MVB12B: variants seen among roughly 807,000 people sequenced by gnomAD.
The protein encoded by MVB12B is multivesicular body subunit 12B.
MVB12B carries 16 observed loss-of-function variants against 41.6 expected under a neutral mutation model. The observed-to-expected ratio is 0.38, with a 90% CI of 0.26 to 0.58. MVB12B has a LOEUF of 0.58. MVB12B is among the 20% of genes least tolerant of loss of function. The probability of loss-of-function intolerance (pLI) is 0.62; values close to 1 mark genes in which losing one functional copy is unlikely to be tolerated. For missense variants in MVB12B, 274 were observed against 380.2 expected (o/e 0.72, Z 2.32); for synonymous variants, 133 against 139.7 (o/e 0.95, Z 0.34).
chr9:126,460,901 TA>T (rs1833074707), intron 7 of MVB12B, among the ~76,000 whole-genome samples: 1 of 152,164 alleles, frequency 6.6e-6, no homozygotes, highest in Non-Finnish European at 1.5e-5. Flanking sequence ...CCTTGAGGAT[TA>T]AATCAGTCAA....
chr9:126,328,886 G>A (rs770642363), intron 1 of MVB12B, among the ~76,000 whole-genome samples: 8 of 152,028 alleles, frequency 5.3e-5, no homozygotes, highest in Non-Finnish European at 1.0e-4. Context: ...GGACTCAAGC[G>A]ATTCTCCCAC....
At chr9:126,384,424 G>A (rs1830714525) in intron 3 of MVB12B, among the ~76,000 whole-genome samples, 1 of 152,054 alleles carries the variant, frequency 6.6e-6, no homozygotes, top group South Asian at 2.1e-4. Flanking sequence ...TTTCATTTGT[G>A]TACTTTTGGT....
At position 126,501,012 on chromosome 9, in the gene MVB12B, G is replaced by A. The variant is rs79313780; in HGVS notation, c.874-2165G>A. On this transcript the variant is annotated intron_variant, in intron 9 of 9. Coordinates refer to ENST00000361171, the MANE Select transcript of MVB12B (RefSeq NM_033446.3). Reference sequence around the variant, plus strand: ...CAGTGAGGGCTGATGAAGCCAGCCAGGGAATGAATTTGCCGCTGTTCCCTG... The same window carrying A: ...CAGTGAGGGCTGATGAAGCCAGCCAAGGAATGAATTTGCCGCTGTTCCCTG... 3.9e-5 allele frequency among the ~76,000 whole-genome samples: 6 copies of A among 152,342 alleles called. No individual in the cohort carries two copies. The East Asian group carries it at 1.2e-3, about 30-fold the overall frequency.
At position 126,373,602 on chromosome 9, in the gene MVB12B, A is replaced by G. The variant is rs567848097; in HGVS notation, c.205-7462A>G. Among the ~76,000 whole-genome samples the G allele has an allele frequency of 7.2e-5, 11 of 152,290 alleles. No individual in the cohort carries two copies. The South Asian group carries it at 2.3e-3, about 32-fold the overall frequency. On this transcript the variant is annotated intron_variant, in intron 2 of 9. Coordinates refer to ENST00000361171, the MANE Select transcript of MVB12B (RefSeq NM_033446.3). ...ACCGGTGTGTAAACAGATTGATGAA[A>G]TTGGTGGTTAGCTTGTCTTTTGAGA...
At chr9:126,503,045 C>A in intron 9 of MVB12B, 132 bp from the exon 10 acceptor site, 3 of 807,244 alleles carry the variant, frequency 3.7e-6, no homozygotes, top group South Asian at 1.5e-5. Flanking sequence ...ACCGGCCTGG[C>A]CAGCTGCGCC....
intron 2 of MVB12B, among the ~76,000 whole-genome samples, chr9:126,368,876 G>A (rs986631476): frequency 6.6e-6 from 1 of 152,022 alleles, no homozygotes; most frequent in East Asian, 1.9e-4. Context: ...GAAATACATC[G>A]TTGTAATTTG....
At chr9:126,399,887 C>A (rs538950003) in intron 6 of MVB12B, among the ~76,000 whole-genome samples, 1 of 152,246 alleles carries the variant, frequency 6.6e-6, no homozygotes, top group South Asian at 2.1e-4. Context: ...TCCTCTACAG[C>A]CAGAACAACC....
At position 126,451,964 on chromosome 9, in the gene MVB12B, G is replaced by T. The variant is rs1045835786; in HGVS notation, c.758-29405G>T. On this transcript the variant is annotated intron_variant, in intron 7 of 9. Coordinates refer to ENST00000361171, the MANE Select transcript of MVB12B (RefSeq NM_033446.3). The stretch of plus-strand genomic sequence containing the variant: ...CACCTGGAATGCCGCGGGCTTGGTG[G>T]TTATGAAAGTCCCACTGTTTCATTC... Among the ~76,000 whole-genome samples, 5 of 152,288 alleles carry T rather than the reference G, an allele frequency of 3.3e-5. No individual in the cohort carries two copies. The East Asian group carries it at 5.8e-4, about 18-fold the overall frequency.
intron 9 of MVB12B, among the ~76,000 whole-genome samples, chr9:126,499,100 G>A (rs1004328284): frequency 6.6e-6 from 1 of 152,214 alleles, no homozygotes; most frequent in Non-Finnish European, 1.5e-5. Flanking sequence ...TTGCCTCGAA[G>A]CTGGGTGCTT....
intron 6 of MVB12B, among the ~76,000 whole-genome samples, chr9:126,406,333 T>A (rs1384660813): frequency 6.6e-6 from 1 of 152,222 alleles, no homozygotes. Context: ...CATGGCTGTA[T>A]TTTGTTAAAC....
At chr9:126,387,891 G>A (rs1341384107) in intron 4 of MVB12B, among the ~76,000 whole-genome samples, 1 of 152,150 alleles carries the variant, frequency 6.6e-6, no homozygotes, top group Non-Finnish European at 1.5e-5. Context: ...GGAAGTGGAG[G>A]AATAACTAGA....
chr9:126,485,623 CAG>C (rs1833603484), intron 9 of MVB12B, among the ~76,000 whole-genome samples: 1 of 126,542 alleles, frequency 7.9e-6, no homozygotes, highest in Non-Finnish European at 1.7e-5. Flanking sequence ...TTCATGAGGT[CAG>C]GGTACCGTCC....
rs1829171885 is a variant in MVB12B, at chr9:126,333,072, A to T, written c.81+6062A>T. Among the ~76,000 whole-genome samples the T allele has an allele frequency of 6.6e-6, 1 of 152,028 alleles. No homozygotes were observed. Among genetic ancestry groups the T allele is most frequent in the African/African-American group, 2.4e-5 (1 of 41,386 alleles). ...GGAGAAAGTTTGAGGGGAATGGAAG[A>T]TGTGACCCTGGTGTTTTGTTTTGTT... On this transcript the variant is annotated intron_variant, in intron 1 of 9. Transcript: ENST00000361171. The surrounding 1 kb of genome is among the most constrained non-coding windows in gnomAD (Gnocchi z 4.7).
intron 7 of MVB12B, among the ~76,000 whole-genome samples, chr9:126,475,542 G>T (rs531730312): frequency 2.6e-5 from 4 of 152,174 alleles, no homozygotes; most frequent in Non-Finnish European, 5.9e-5. Context: ...AGTGGGATTT[G>T]GTGGGCAGAT....
chr9:126,480,569 C>T lies in MVB12B; in HGVS notation c.758-800C>T, dbSNP rs1274644647. Among the ~76,000 whole-genome samples the T allele has an allele frequency of 6.6e-6, 1 of 152,182 alleles. No individual in the cohort carries two copies. The highest frequency in any genetic ancestry group is 1.5e-5 in the Non-Finnish European group (1 of 68,044). On this transcript the variant is annotated intron_variant, in intron 7 of 9. Transcript: ENST00000361171. This position sits in a 1 kb window ranked among gnomAD's most constrained non-coding sequence, Gnocchi z 4.9. ...GGTGGCCACAGAAAAGGAACCAGGC[C>T]CCTGGTTTCTCCATCGTTGCGTCCC...
chr9:126,457,999 C>T (rs759644837), intron 7 of MVB12B, among the ~76,000 whole-genome samples: 5 of 152,154 alleles, frequency 3.3e-5, no homozygotes, highest in Admixed American at 6.5e-5. Flanking sequence ...GAGCAGAAAG[C>T]GAATAGCCAT....
At chr9:126,403,468 C>T (rs976610110) in intron 6 of MVB12B, among the ~76,000 whole-genome samples, 2 of 152,218 alleles carry the variant, frequency 1.3e-5, no homozygotes, top group African/African-American at 2.4e-5. Context: ...CAGTTGCCTG[C>T]GTCATACAGC....
intron 2 of MVB12B, among the ~76,000 whole-genome samples, chr9:126,362,751 G>A (rs1381807471): frequency 5.3e-5 from 8 of 152,272 alleles, no homozygotes; most frequent in Admixed American, 3.3e-4. Context: ...AAGATTGGAC[G>A]CTTCTTCATT....
intron 6 of MVB12B, chr9:126,397,286 CAG>C (rs1391995151): frequency 8.1e-6 from 8 of 985,470 alleles, no homozygotes; most frequent in South Asian, 4.7e-5. Flanking sequence ...TCAGATAAAG[CAG>C]AGAGAGCTCT....
Sources: gnomAD v4.1 joint callset for allele counts (sites outside exome capture counted in the v4.1 genomes callset) on GRCh38, gnomAD v4.1.1 for gene constraint, Gnocchi (gnomAD v3.1) non-coding constraint, MANE v1.5 for transcripts, NCBI Gene and HGNC (gene_info 2026-07-23, HGNC 2026-07-21) for gene names.